The following HTT variants were observed in gnomAD, a reference collection of about 807,000 sequenced individuals.
HTT encodes huntington disease protein.
A neutral mutation model predicts 362.3 loss-of-function variants in HTT; 104 were observed. The observed-to-expected ratio is 0.29, with a 90% CI of 0.24 to 0.34. HTT has a LOEUF of 0.34. Ranked by LOEUF, HTT falls within the 10% of genes least tolerant of loss-of-function variation. The probability of loss-of-function intolerance (pLI) is 1.00; values close to 1 mark genes in which losing one functional copy is unlikely to be tolerated. For synonymous variants in HTT, 1,577 were observed against 1,548.7 expected (o/e 1.02, Z -0.43); for missense variants, 3,301 against 3,928.6 (o/e 0.84, Z 4.27).
In HTT at chr4:3,180,607, G is replaced by A; in HGVS notation, c.4705G>A (p.Glu1569Lys). 6.2e-7 allele frequency: 1 copy of A among 1,613,838 alleles called. No homozygotes were observed. The highest frequency in any genetic ancestry group is 8.5e-7 in the Non-Finnish European group (1 of 1,179,906). The change falls in exon 36 of 67, where the codon GAG becomes AAG. Residue 1569 changes from glutamate (E) to lysine (K), a missense_variant. Glu to Lys is a moderately conservative substitution (Grantham distance 56). Around this residue, in one of 4 missense-constraint regions of HTT, gnomAD observed 2,316 missense variants for 2,658.5 expected, o/e 0.87. Coordinates refer to ENST00000355072, the MANE Select transcript of HTT (RefSeq NM_001388492.1). The part of the protein sequence containing the change: ...DAGKELETQK[E>K]VVVSMLLRLI... The stretch of plus-strand genomic sequence containing the variant: ...AGGAAAAGAGCTTGAAACCCAAAAA[G>A]AGGTGGTGGTGTCAATGTTACTGAG...
rs1553915581 is a variant in HTT at position 3,154,286 on chromosome 4, A to G, written c.3499-7A>G. ...TTTTGTTTTTTGTTTTTGTTTTTCT[A>G]TTTTAGGCAGCCTTGCCTTCTCTAA... On this transcript the variant is annotated splice_polypyrimidine_tract_variant and splice_region_variant and intron_variant, in intron 26 of 66. Transcript: ENST00000355072. 1.3e-6 allele frequency: 2 copies of G among 1,548,996 alleles called. No individual in the cohort carries two copies. Among genetic ancestry groups the G allele is most frequent in the African/African-American group, 1.4e-5 (1 of 71,986 alleles).
In HTT at chr4:3,203,993, G is replaced by GT; in HGVS notation, c.5577-12dup. 1 of 1,613,342 alleles carries GT rather than the reference G, an allele frequency of 6.2e-7. No homozygotes were observed. Among genetic ancestry groups the GT allele is most frequent in the Non-Finnish European group, 8.5e-7 (1 of 1,179,330 alleles). On this transcript the variant is annotated splice_polypyrimidine_tract_variant and intron_variant, in intron 41 of 66. Coordinates refer to ENST00000355072, the MANE Select transcript of HTT (RefSeq NM_001388492.1). Reference sequence around the variant, plus strand: ...ATCCAGAAACATTGTCAATGCATCTGTTGCTCCTTCTAGAAGACACAGTCT... The same window carrying GT: ...ATCCAGAAACATTGTCAATGCATCTGTTTGCTCCTTCTAGAAGACACAGTCT...
intron 3 of HTT, among the ~76,000 whole-genome samples, chr4:3,101,819 A>G (rs766208847): frequency 2.0e-5 from 3 of 152,190 alleles, no homozygotes; most frequent in Non-Finnish European, 4.4e-5. Context: ...GCAAATCACC[A>G]CCACCGTCAA....
rs1198608414 is a variant in HTT at position 3,223,459 on chromosome 4, A to G, written c.7524A>G (p.Ser2508=). Residue 2508 remains serine, a synonymous_variant, in exon 55 of 67, where the codon TCA becomes TCG. Transcript: ENST00000355072. ...TCCTGGCCGTGCAGGCCATCACCTC[A>G]CTGGTGCTCAGTGCAATGACTGTGC... is the stretch of plus-strand genomic sequence containing the variant. ...INVLAVQAIT[S]LVLSAMTVPV... 2 of 1,613,174 alleles carry G rather than the reference A, an allele frequency of 1.2e-6. No homozygotes were observed. Among genetic ancestry groups the G allele is most frequent in the African/African-American group, 2.7e-5 (2 of 74,922 alleles).
At chr4:3,115,957 G>A in intron 7 of HTT, 128 bp from the exon 8 acceptor site, 1 of 847,034 alleles carries the variant, frequency 1.2e-6, no homozygotes, top group Admixed American at 2.0e-5. Context: ...TGGGCCTCAT[G>A]GCGTACTCGT....
At chr4:3,107,475 CTG>C in intron 6 of HTT, 52 bp downstream of exon 6, 2 of 1,594,312 alleles carry the variant, frequency 1.3e-6, no homozygotes, top group South Asian at 2.2e-5. Context: ...GTGAGTGAGT[CTG>C]TGGAGGGTGA....
At chr4:3,094,125 G>T (rs1177862013) in intron 2 of HTT, among the ~76,000 whole-genome samples, 1 of 151,350 alleles carries the variant, frequency 6.6e-6, no homozygotes, top group Non-Finnish European at 1.5e-5. Flanking sequence ...GACTCTTAAC[G>T]AGTATGCTGC....
intron 8 of HTT, among the ~76,000 whole-genome samples, chr4:3,116,567 A>G (rs1715038356): frequency 1.3e-5 from 2 of 152,200 alleles, no homozygotes; most frequent in African/African-American, 4.8e-5. Context: ...GTAAATACTG[A>G]TTGAGCACCC....
chr4:3,166,750 A>C (rs1322905644), intron 29 of HTT, among the ~76,000 whole-genome samples: 1 of 152,252 alleles, frequency 6.6e-6, no homozygotes, highest in Non-Finnish European at 1.5e-5. Flanking sequence ...TGAGCCAGGC[A>C]CAGGAGAGAA....
chr4:3,096,594 C>G (rs7659144), intron 2 of HTT, among the ~76,000 whole-genome samples: 49,322 of 152,064 alleles, frequency 0.32, 8,311 homozygotes, highest in East Asian at 0.42. Context: ...TGTGGAAAAA[C>G]CCATTTCCAC....
At chr4:3,236,650 G>T (rs1267849516) in intron 64 of HTT, among the ~76,000 whole-genome samples, 2 of 152,194 alleles carry the variant, frequency 1.3e-5, no homozygotes, top group Admixed American at 6.5e-5. Context: ...CCACGGGGCT[G>T]TGGGAGGGGG....
At chr4:3,211,001 C>T (rs1720130862) in intron 47 of HTT, among the ~76,000 whole-genome samples, 1 of 151,070 alleles carries the variant, frequency 6.6e-6, no homozygotes, top group African/African-American at 2.4e-5. Flanking sequence ...CTCCTGGGTT[C>T]ATACGATTCT....
intron 1 of HTT, among the ~76,000 whole-genome samples, chr4:3,081,534 C>T (rs1712896959): frequency 6.8e-6 from 1 of 146,820 alleles, no homozygotes; most frequent in Non-Finnish European, 1.5e-5. Flanking sequence ...GATAGGACCA[C>T]ATTTGGAAAG....
chr4:3,170,060 A>G (rs1717901764), intron 29 of HTT, among the ~76,000 whole-genome samples: 1 of 152,036 alleles, frequency 6.6e-6, no homozygotes, highest in Non-Finnish European at 1.5e-5. Context: ...TCATTGGTTG[A>G]TTGATACTCC....
At chr4:3,075,244 C>G (rs989357269) in intron 1 of HTT, 156 bp downstream of exon 1, 26 of 539,626 alleles carry the variant, frequency 4.8e-5, no homozygotes, top group Non-Finnish European at 6.2e-5. Context: ...GACACCCGCC[C>G]CCTCCTGGGG....
intron 1 of HTT, among the ~76,000 whole-genome samples, chr4:3,084,779 C>G (rs1049349417): frequency 5.9e-5 from 9 of 151,768 alleles, no homozygotes; most frequent in African/African-American, 2.2e-4. Context: ...TTTGGGAGGC[C>G]GAGATGGGCA....
chr4:3,146,149 A>G (rs1313090722), intron 24 of HTT, among the ~76,000 whole-genome samples: 2 of 152,310 alleles, frequency 1.3e-5, no homozygotes, highest in East Asian at 1.9e-4. Context: ...TCTATTCTCC[A>G]TATCCATTCT....
At chr4:3,239,808 C>G in intron 66 of HTT, 38 bp from the exon 67 acceptor site, 2 of 1,468,872 alleles carry the variant, frequency 1.4e-6, no homozygotes, top group Non-Finnish European at 1.9e-6. Context: ...GCAGCATTCC[C>G]CTCATTTGCC....
At chr4:3,191,227 G>A (rs1347817007) in intron 40 of HTT, among the ~76,000 whole-genome samples, 1 of 151,278 alleles carries the variant, frequency 6.6e-6, no homozygotes, top group Non-Finnish European at 1.5e-5. Context: ...ATCCTGGAGT[G>A]CAATGGTGCC....
Sources: allele counts gnomAD v4.1 joint callset (sites outside exome capture counted in the v4.1 genomes callset), GRCh38; gene constraint gnomAD v4.1.1; regional missense constraint gnomAD v4.1.1; transcripts MANE v1.5; gene names NCBI Gene and HGNC (gene_info 2026-07-23, HGNC 2026-07-21).